The following RALGPS1 variants were observed in gnomAD, a reference collection of about 807,000 sequenced individuals.
RALGPS1 encodes ras-specific guanine nucleotide-releasing factor RalGPS1.
RALGPS1 carries 19 observed loss-of-function variants against 78.8 expected under a neutral mutation model. That is an observed-to-expected ratio of 0.24 (90% CI 0.17 to 0.35). The LOEUF is 0.35. Ranked by LOEUF, RALGPS1 falls within the 10% of genes least tolerant of loss-of-function variation. The pLI is 1.00. For missense variants in RALGPS1, 454 were observed against 688.3 expected, an observed-to-expected ratio of 0.66 and a Z score of 3.81; for synonymous variants, 228 against 256.3, an observed-to-expected ratio of 0.89 and a Z score of 1.06.
At position 126,990,128 on chromosome 9, in the gene RALGPS1, T is replaced by A; in HGVS notation, c.216+12383T>A. On this transcript the variant is annotated intron_variant, in intron 4 of 18. Transcript: ENST00000259351. ...CTTTGCTGCTCCTTGGAATCAGTGTTTGGCCCTCGGAGAGGGAAGAATGTG... is the reference window on the plus strand; with the variant it reads ...CTTTGCTGCTCCTTGGAATCAGTGTATGGCCCTCGGAGAGGGAAGAATGTG... The A allele has an allele frequency of 2.6e-6, 3 of 1,145,506 alleles. No homozygotes were observed. In the South Asian group the frequency reaches 4.9e-5, roughly 19 times the overall value. 71.0% of individuals were successfully genotyped at this position (1,145,506 alleles called of 1,614,324 possible).
intron 1 of RALGPS1, among the ~76,000 whole-genome samples, chr9:126,936,909 A>G (rs1377054626): frequency 6.7e-6 from 1 of 150,274 alleles, no homozygotes; most frequent in African/African-American, 2.5e-5. Context: ...GTACAGTGGC[A>G]TGATACTGTC....
chr9:127,137,052 A>T (rs982617299), intron 8 of RALGPS1, among the ~76,000 whole-genome samples: 3 of 152,106 alleles, frequency 2.0e-5, no homozygotes, highest in African/African-American at 7.2e-5. Context: ...ATTTTTAACT[A>T]CCCCACAATT....
chr9:127,199,125 C>T (rs1011555211), intron 14 of RALGPS1, 59 bp downstream of exon 14: 14 of 1,523,816 alleles, frequency 9.2e-6, no homozygotes, highest in Admixed American at 3.3e-5. Context: ...CTGAGGGAGC[C>T]GAAGACAGGC....
intron 3 of RALGPS1, among the ~76,000 whole-genome samples, chr9:126,975,065 A>G (rs866981240): frequency 1.4e-4 from 21 of 152,312 alleles, no homozygotes; most frequent in African/African-American, 4.8e-4. Context: ...CTTTTTAGTA[A>G]AATGGCATGA....
intron 8 of RALGPS1, among the ~76,000 whole-genome samples, chr9:127,072,638 G>A (rs1264212281): frequency 2.6e-5 from 4 of 152,282 alleles, no homozygotes; most frequent in Admixed American, 2.0e-4. Flanking sequence ...GTTTCATGGT[G>A]CATGCTGGAA....
intron 8 of RALGPS1, chr9:127,088,768 G>GT (rs1177381223): frequency 5.5e-6 from 4 of 723,320 alleles, no homozygotes; most frequent in African/African-American, 1.8e-5. Context: ...AGAAAACACC[G>GT]TATCGATTCA....
At chr9:127,172,244 G>A (rs2059603711) in intron 10 of RALGPS1, among the ~76,000 whole-genome samples, 1 of 152,184 alleles carries the variant, frequency 6.6e-6, no homozygotes, top group South Asian at 2.1e-4. Flanking sequence ...GCCCTCCTTT[G>A]TTTCTCTCCC....
At chr9:127,164,777 C>T (rs1049671439) in intron 8 of RALGPS1, among the ~76,000 whole-genome samples, 98 of 148,950 alleles carry the variant, frequency 6.6e-4, no homozygotes, top group African/African-American at 2.4e-3. Flanking sequence ...TAGGCTCGAG[C>T]AATCCGCTCA....
intron 8 of RALGPS1, among the ~76,000 whole-genome samples, chr9:127,141,637 A>AAAAAAAAAAAAAAAAC (rs2057787222): frequency 6.6e-6 from 1 of 151,078 alleles, no homozygotes; most frequent in African/African-American, 2.4e-5. Flanking sequence ...AAAAAAAAAA[A>AAAAAAAAAAAAAAAAC]AAAGAAAGAA....
At chr9:127,196,936 G>C (rs2061379783) in intron 13 of RALGPS1, among the ~76,000 whole-genome samples, 1 of 152,192 alleles carries the variant, frequency 6.6e-6, no homozygotes, top group African/African-American at 2.4e-5. Flanking sequence ...TTGGCTGGCA[G>C]CTCCCCAGAC....
intron 4 of RALGPS1, among the ~76,000 whole-genome samples, chr9:126,989,537 T>G (rs1042908216): frequency 3.9e-5 from 6 of 152,046 alleles, no homozygotes; most frequent in Non-Finnish European, 7.4e-5. Flanking sequence ...TATCTATTCC[T>G]GGGTTTGAGG....
chr9:127,208,427 A>C (rs1166964537), intron 14 of RALGPS1, among the ~76,000 whole-genome samples: 1 of 152,134 alleles, frequency 6.6e-6, no homozygotes, highest in Non-Finnish European at 1.5e-5. Context: ...TTTATCTCAC[A>C]GTGTGGTGAG....
intron 11 of RALGPS1, among the ~76,000 whole-genome samples, chr9:127,193,247 TGAGA>T (rs2061172635): frequency 6.6e-6 from 1 of 152,086 alleles, no homozygotes. Flanking sequence ...AGGGTGGCTG[TGAGA>T]GAGATCCCAC....
At chr9:127,124,553 A>T (rs2056461400) in intron 8 of RALGPS1, among the ~76,000 whole-genome samples, 1 of 152,164 alleles carries the variant, frequency 6.6e-6, no homozygotes, top group Non-Finnish European at 1.5e-5. Context: ...CATGCGTATA[A>T]TAAGATGGTG....
intron 8 of RALGPS1, among the ~76,000 whole-genome samples, chr9:127,121,646 G>A (rs530309479): frequency 9.3e-5 from 14 of 150,736 alleles, no homozygotes; most frequent in African/African-American, 1.9e-4. Flanking sequence ...GTCCCCTTGC[G>A]GGGGTACCAG....
chr9:127,200,561 G>T (rs1485431119), intron 14 of RALGPS1, among the ~76,000 whole-genome samples: 2 of 152,258 alleles, frequency 1.3e-5, no homozygotes, highest in Non-Finnish European at 2.9e-5. Context: ...ATATTGGTCA[G>T]TCAGTCTGTC....
chr9:126,944,504 A>G (rs1483419018), intron 1 of RALGPS1, among the ~76,000 whole-genome samples: 1 of 141,726 alleles, frequency 7.1e-6, no homozygotes, highest in African/African-American at 2.6e-5. Flanking sequence ...CAGTCCTCCC[A>G]TAATGGTTTT....
At chr9:127,049,871 T>C (rs148397307) in intron 5 of RALGPS1, among the ~76,000 whole-genome samples, 172 bp from the exon 6 acceptor site, 23 of 152,174 alleles carry the variant, frequency 1.5e-4, no homozygotes, top group African/African-American at 4.8e-4. Context: ...ATTTGCAGGG[T>C]TGGGTGCTGT....
intron 8 of RALGPS1, among the ~76,000 whole-genome samples, chr9:127,101,588 T>G (rs2053735328): frequency 6.6e-6 from 1 of 152,140 alleles, no homozygotes; most frequent in South Asian, 2.1e-4. Context: ...CCAATAATAA[T>G]AAATCCATCT....
Sources: allele counts gnomAD v4.1 joint callset (sites outside exome capture counted in the v4.1 genomes callset), GRCh38; gene constraint gnomAD v4.1.1; transcripts MANE v1.5; gene names NCBI Gene and HGNC (gene_info 2026-07-23, HGNC 2026-07-21).